The following HDAC9 variants were observed in gnomAD, a reference collection of about 807,000 sequenced individuals.
HDAC9 encodes the protein MEF-2 interacting transcription repressor (MITR) protein.
A neutral mutation model predicts 139.4 loss-of-function variants in HDAC9; 41 were observed. That is an observed-to-expected ratio of 0.29 (90% confidence interval 0.23 to 0.38). HDAC9 has a LOEUF of 0.38. HDAC9 is among the 10% of genes least tolerant of loss of function. The pLI is 1.00. For missense variants in HDAC9, 1,147 were observed against 1,297.0 expected, an observed-to-expected ratio of 0.88 and a Z score of 1.78; for synonymous variants, 517 against 476.2, an observed-to-expected ratio of 1.09 and a Z score of -1.12.
chr7:18,647,332 C>T (rs1013500869), intron 9 of HDAC9, among the ~76,000 whole-genome samples: 1 of 152,068 alleles, frequency 6.6e-6, no homozygotes, highest in Admixed American at 6.6e-5. Context: ...CATATGTATA[C>T]ATCGTAGAGT....
chr7:18,310,063 T>A (rs955991092), intron 1 of HDAC9, among the ~76,000 whole-genome samples: 4 of 150,630 alleles, frequency 2.7e-5, no homozygotes. Context: ...GTGTTCCTGA[T>A]CATTCAGATG....
chr7:18,742,386 T>C (rs1273178051), intron 13 of HDAC9, among the ~76,000 whole-genome samples: 1 of 152,204 alleles, frequency 6.6e-6, no homozygotes, highest in African/African-American at 2.4e-5. Flanking sequence ...CTCAGATGAT[T>C]ATTAGCACTT....
chr7:18,366,589 T>C (rs74551830), intron 1 of HDAC9, among the ~76,000 whole-genome samples: 5,278 of 151,996 alleles, frequency 0.035, 151 homozygotes, highest in Middle Eastern at 0.044. Flanking sequence ...AGCCAAGGAG[T>C]GGGATGCATT....
At chr7:18,454,968 A>G (rs550662753) in intron 1 of HDAC9, among the ~76,000 whole-genome samples, 20 of 152,254 alleles carry the variant, frequency 1.3e-4, no homozygotes, top group Middle Eastern at 3.4e-3. Flanking sequence ...ATTTACTGTC[A>G]TCTTAACTGA....
intron 1 of HDAC9, among the ~76,000 whole-genome samples, chr7:18,330,694 A>G (rs1800853591): frequency 6.6e-6 from 1 of 151,712 alleles, no homozygotes; most frequent in Non-Finnish European, 1.5e-5. Context: ...ACACATGCCA[A>G]AATTTATCCC....
At chr7:18,146,593 G>A (rs1423629715) in intron 1 of HDAC9, among the ~76,000 whole-genome samples, 2 of 152,138 alleles carry the variant, frequency 1.3e-5, no homozygotes, top group Non-Finnish European at 1.5e-5. Context: ...CATTGAATAA[G>A]CTTTAGTTCA....
intron 2 of HDAC9, among the ~76,000 whole-genome samples, chr7:18,284,494 A>C (rs748351856): frequency 5.1e-4 from 77 of 152,244 alleles, no homozygotes; most frequent in Admixed American, 1.4e-3. Context: ...TTCAGACAAG[A>C]AAAGTGTGTT....
chr7:18,470,504 C>T (rs1322849647), intron 1 of HDAC9, among the ~76,000 whole-genome samples: 4 of 152,074 alleles, frequency 2.6e-5, no homozygotes, highest in Non-Finnish European at 5.9e-5. Context: ...GTAAAAGAAT[C>T]TTTCACTACA....
At chr7:18,290,371 A>G (rs557256185), upstream of HDAC9, 166 of 438,022 alleles carry the variant, frequency 3.8e-4, 3 homozygotes, top group South Asian at 2.7e-3. Flanking sequence ...AGTGGGAGGG[A>G]CTGATAAAAT....
At chr7:18,478,775 C>T (rs191806827) in intron 1 of HDAC9, among the ~76,000 whole-genome samples, 1 of 152,146 alleles carries the variant, frequency 6.6e-6, no homozygotes, top group African/African-American at 2.4e-5. Flanking sequence ...GTCCTTATTA[C>T]TCAGCATTCT....
chr7:18,681,300 A>T (rs974156415), intron 12 of HDAC9, among the ~76,000 whole-genome samples: 1 of 152,038 alleles, frequency 6.6e-6, no homozygotes, highest in Non-Finnish European at 1.5e-5. Flanking sequence ...CATAAAAAAG[A>T]TGGTGATTAA....
At chr7:18,117,624 A>C (rs564609113) in intron 1 of HDAC9, among the ~76,000 whole-genome samples, 1 of 152,198 alleles carries the variant, frequency 6.6e-6, no homozygotes, top group African/African-American at 2.4e-5. Flanking sequence ...GGGATGATGC[A>C]CCCACTGAAG....
At chr7:18,280,359 G>T (rs1458231924) in intron 2 of HDAC9, among the ~76,000 whole-genome samples, 1 of 152,180 alleles carries the variant, frequency 6.6e-6, no homozygotes, top group Non-Finnish European at 1.5e-5. Flanking sequence ...GGAGGCCCAG[G>T]TGGGCGCATC....
intron 16 of HDAC9, among the ~76,000 whole-genome samples, chr7:18,788,739 A>G (rs929008735): frequency 7.0e-6 from 1 of 142,522 alleles, no homozygotes; most frequent in Non-Finnish European, 1.5e-5. Context: ...TGGATGACAG[A>G]GCGAGACTCT....
intron 14 of HDAC9, among the ~76,000 whole-genome samples, chr7:18,758,880 A>G (rs1286701072): frequency 6.6e-6 from 1 of 152,058 alleles, no homozygotes; most frequent in Admixed American, 6.6e-5. Flanking sequence ...TCTAGCAACC[A>G]AAGAAGCAGA....
chr7:18,467,710 A>C (rs922222614), intron 1 of HDAC9, among the ~76,000 whole-genome samples: 4 of 152,198 alleles, frequency 2.6e-5, no homozygotes, highest in African/African-American at 9.6e-5. Flanking sequence ...TCATATCACT[A>C]TATTACGTTT....
intron 23 of HDAC9, chr7:18,949,017 G>T (rs2129320431): frequency 2.4e-6 from 1 of 409,018 alleles, no homozygotes; most frequent in East Asian, 6.6e-5. Flanking sequence ...CCACCTTTTT[G>T]TGTACTTGCT....
chr7:18,145,271 G>A (rs144305051), intron 1 of HDAC9, among the ~76,000 whole-genome samples: 1 of 152,288 alleles, frequency 6.6e-6, no homozygotes, highest in African/African-American at 2.4e-5. Flanking sequence ...GTCTGATGTA[G>A]GCAAGCACTC....
intron 1 of HDAC9, among the ~76,000 whole-genome samples, chr7:18,321,883 G>A (rs928306956): frequency 2.0e-5 from 3 of 152,100 alleles, no homozygotes; most frequent in African/African-American, 7.2e-5. Flanking sequence ...TATATAAAAA[G>A]TAGGGCAGAA....
Sources: gnomAD v4.1 joint callset for allele counts (sites outside exome capture counted in the v4.1 genomes callset) on GRCh38, gnomAD v4.1.1 for gene constraint, MANE v1.5 for transcripts, NCBI Gene and HGNC (gene_info 2026-07-23, HGNC 2026-07-21) for gene names.